The following CSMD3 variants were observed in gnomAD, a reference collection of about 807,000 sequenced individuals.
CSMD3 encodes CUB and sushi domain-containing protein 3.
CSMD3 carries 177 observed loss-of-function variants against 435.2 expected under a neutral mutation model. That is an observed-to-expected ratio of 0.41 (90% CI 0.36 to 0.46). CSMD3 has a LOEUF of 0.46. Ranked by LOEUF, CSMD3 falls within the 20% of genes least tolerant of loss-of-function variation. The pLI is 0.34. For synonymous variants in CSMD3, 1,656 were observed against 1,520.5 expected (o/e 1.09, Z -2.07); for missense variants, 4,265 against 4,504.6 (o/e 0.95, Z 1.52).
At chr8:113,007,637 T>A (rs953187304) in intron 6 of CSMD3, among the ~76,000 whole-genome samples, 2 of 151,922 alleles carry the variant, frequency 1.3e-5, no homozygotes, top group Admixed American at 1.3e-4. Flanking sequence ...GTAATTTGCA[T>A]TAATTTAGTG....
At chr8:112,472,850 G>A (rs1176421014) in intron 31 of CSMD3, 143 bp from the exon 32 acceptor site, 9 of 622,812 alleles carry the variant, frequency 1.4e-5, no homozygotes, top group Non-Finnish European at 2.3e-5. Flanking sequence ...AGATCCTCTA[G>A]TGTTAAATAT....
chr8:112,353,201 G>C (rs1315929741), intron 38 of CSMD3, among the ~76,000 whole-genome samples: 4 of 152,160 alleles, frequency 2.6e-5, no homozygotes, highest in South Asian at 4.1e-4. Flanking sequence ...GACCAGCCTG[G>C]CCACCGTGGT....
At chr8:112,826,439 A>C in intron 12 of CSMD3, among the ~76,000 whole-genome samples, 1 of 131,844 alleles carries the variant, frequency 7.6e-6, no homozygotes, top group African/African-American at 2.8e-5. Context: ...TCTGGTTGGG[A>C]CCCTAGGCCC....
intron 12 of CSMD3, among the ~76,000 whole-genome samples, chr8:112,812,320 T>C (rs1265178248): frequency 6.6e-6 from 1 of 152,110 alleles, no homozygotes; most frequent in African/African-American, 2.4e-5. Flanking sequence ...AGCATAGAAC[T>C]TCAGTAAACA....
At chr8:112,536,990 A>G (rs1453560674) in intron 27 of CSMD3, among the ~76,000 whole-genome samples, 1 of 151,984 alleles carries the variant, frequency 6.6e-6, no homozygotes, top group Non-Finnish European at 1.5e-5. Context: ...GGACACAGGA[A>G]GGGGAACATC....
intron 4 of CSMD3, among the ~76,000 whole-genome samples, chr8:113,147,630 G>A (rs1385357038): frequency 6.6e-6 from 1 of 151,652 alleles, no homozygotes; most frequent in Admixed American, 6.6e-5. Context: ...CTCAGCTCAA[G>A]ATCAATATAA....
Position 112,309,685 on chromosome 8 carries a change from A to C in CSMD3, c.7885+1293T>G, listed in dbSNP as rs184900441. ...TAATGGTGCTTCCCAGAATCCTAAT[A>C]AGTGATTAATGTTTCCTTGCATCAA... is the stretch of plus-strand genomic sequence containing the variant. On this transcript the variant is annotated intron_variant, in intron 50 of 70. Coordinates refer to ENST00000297405, the MANE Select transcript of CSMD3 (RefSeq NM_198123.2). Among the ~76,000 whole-genome samples, 26 of 152,218 alleles carry C rather than the reference A, an allele frequency of 1.7e-4. 1 individual carries two copies. The highest frequency in any genetic ancestry group is 1.4e-3 in the Admixed American group (22 of 15,280).
intron 12 of CSMD3, among the ~76,000 whole-genome samples, chr8:112,805,369 A>C (rs542198544): frequency 1.3e-5 from 2 of 152,096 alleles, no homozygotes; most frequent in East Asian, 3.9e-4. Context: ...GTTTAGTTTG[A>C]GGTGTAGAAT....
chr8:112,976,015 A>G lies in CSMD3; in HGVS notation c.1164T>C (p.His388=), dbSNP rs2084834018. Residue 388 remains histidine, a synonymous_variant, in exon 7 of 71, where the codon CAT becomes CAC. Coordinates refer to ENST00000297405, the MANE Select transcript of CSMD3 (RefSeq NM_198123.2). ...GCACTCGCTGTTCCTCGGAAAGTCT[A>G]TGGATGGTGACAGCTGTAACACTGG... is the stretch of plus-strand genomic sequence containing the variant. The part of the protein sequence containing the change: ...TVSSVTAVTI[H]RLSEEQRVQV... 4 of 1,613,976 alleles carry G rather than the reference A, an allele frequency of 2.5e-6. No homozygotes were observed. Among genetic ancestry groups the G allele is most frequent in the Non-Finnish European group, 2.5e-6 (3 of 1,179,932 alleles).
chr8:112,257,087 T>TA (rs1397965675), intron 61 of CSMD3, among the ~76,000 whole-genome samples: 1 of 152,158 alleles, frequency 6.6e-6, no homozygotes, highest in African/African-American at 2.4e-5. Flanking sequence ...TTAAAACTTT[T>TA]AAAAAATAAT....
At chr8:112,922,974 A>G (rs1449238718) in intron 9 of CSMD3, among the ~76,000 whole-genome samples, 2 of 152,106 alleles carry the variant, frequency 1.3e-5, no homozygotes, top group African/African-American at 4.8e-5. Context: ...TCCATTCTTC[A>G]AGTTGCTAAG....
At chr8:113,162,233 T>G (rs2092055056) in intron 4 of CSMD3, among the ~76,000 whole-genome samples, 1 of 151,852 alleles carries the variant, frequency 6.6e-6, no homozygotes, top group Non-Finnish European at 1.5e-5. Context: ...AAGAGGAAGT[T>G]GTATAATCAA....
intron 55 of CSMD3, 59 bp from the exon 56 acceptor site, chr8:112,291,754 G>T (rs2130680449): frequency 1.9e-6 from 2 of 1,064,794 alleles, no homozygotes; most frequent in South Asian, 2.7e-5. Context: ...TACCTATATA[G>T]ATTTATATTA....
At chr8:113,128,573 T>C (rs1447970226) in intron 4 of CSMD3, among the ~76,000 whole-genome samples, 1 of 152,018 alleles carries the variant, frequency 6.6e-6, no homozygotes, top group Non-Finnish European at 1.5e-5. Flanking sequence ...CCTAGATGCA[T>C]TGATACAAAT....
chr8:112,908,113 T>C (rs1002130527), intron 10 of CSMD3, among the ~76,000 whole-genome samples: 1 of 151,502 alleles, frequency 6.6e-6, no homozygotes, highest in Non-Finnish European at 1.5e-5. Flanking sequence ...TTGAATACCT[T>C]TTCTACCAAA....
intron 9 of CSMD3, among the ~76,000 whole-genome samples, chr8:112,937,717 G>A (rs1347471790): frequency 6.6e-6 from 1 of 151,954 alleles, no homozygotes; most frequent in African/African-American, 2.4e-5. Flanking sequence ...GAGAACAGTA[G>A]GATAAATAGT....
chr8:112,385,386 G>T (rs561282562), intron 36 of CSMD3, among the ~76,000 whole-genome samples: 15 of 152,288 alleles, frequency 9.8e-5, no homozygotes, highest in African/African-American at 3.4e-4. Context: ...CTAAGAGGAA[G>T]ATCAGGGGAG....
chr8:112,235,973 A>G (rs1434459670), intron 67 of CSMD3, among the ~76,000 whole-genome samples: 1 of 151,914 alleles, frequency 6.6e-6, no homozygotes, highest in Admixed American at 6.6e-5. Context: ...AACACATCAA[A>G]GTTAAATAAA....
intron 13 of CSMD3, among the ~76,000 whole-genome samples, chr8:112,713,491 G>C (rs932221919): frequency 6.6e-6 from 1 of 151,560 alleles, no homozygotes; most frequent in Non-Finnish European, 1.5e-5. Flanking sequence ...GAACCAAGTT[G>C]GAAACACACT....
Sources: gnomAD v4.1 joint callset for allele counts (sites outside exome capture counted in the v4.1 genomes callset) on GRCh38, gnomAD v4.1.1 for gene constraint, MANE v1.5 for transcripts, NCBI Gene and HGNC (gene_info 2026-07-23, HGNC 2026-07-21) for gene names.